The following NRG1 variants were observed in gnomAD, a reference collection of about 807,000 sequenced individuals.
The protein encoded by NRG1 is neuregulin 1.
In NRG1, 18 loss-of-function variants were observed where a neutral mutation model predicts 63.8. That is an observed-to-expected ratio of 0.28 (90% CI 0.19 to 0.42). NRG1 has a LOEUF of 0.42. NRG1 is among the 10% of genes least tolerant of loss of function. The probability of loss-of-function intolerance (pLI) is 1.00; values close to 1 mark genes in which losing one functional copy is unlikely to be tolerated. For missense variants in NRG1, 762 were observed against 814.7 expected (o/e 0.94, Z 0.79); for synonymous variants, 302 against 301.3 (o/e 1.00, Z -0.02).
chr8:32,677,734 A>C (rs556160516), intron 5 of NRG1, among the ~76,000 whole-genome samples: 2 of 152,338 alleles, frequency 1.3e-5, no homozygotes, highest in Non-Finnish European at 2.9e-5. Context: ...TACTTTAAAA[A>C]TACTCCTGCA....
intron 1 of NRG1, among the ~76,000 whole-genome samples, chr8:32,399,763 C>T (rs988382478): frequency 4.6e-5 from 7 of 152,078 alleles, no homozygotes; most frequent in African/African-American, 1.4e-4. Flanking sequence ...AGAGACTTTT[C>T]CCTCCTGTAA....
chr8:32,675,966 A>G (rs1359603316), intron 5 of NRG1, among the ~76,000 whole-genome samples: 1 of 152,216 alleles, frequency 6.6e-6, no homozygotes, highest in African/African-American at 2.4e-5. Context: ...AATTGAGAGA[A>G]TCAGGAACAC....
rs1279728113 is a variant in NRG1 at position 32,557,071 on chromosome 8, T to C, written c.100+8245T>C. On this transcript the variant is annotated intron_variant, in intron 1 of 11. Transcript: ENST00000356819. ...CCCAGGCTGGAGTGCAGTGGTGCGA[T>C]CTCAGCTCACTGCAAGCTCCCCCCA... Among the ~76,000 whole-genome samples, 3 of 152,194 alleles carry C rather than the reference T, an allele frequency of 2.0e-5. No homozygotes were observed. The East Asian group carries it at 5.8e-4, about 29-fold the overall frequency.
intron 1 of NRG1, among the ~76,000 whole-genome samples, chr8:32,007,218 C>T (rs776721517): frequency 6.6e-6 from 1 of 151,988 alleles, no homozygotes; most frequent in Non-Finnish European, 1.5e-5. Context: ...TAAGGTAACA[C>T]AGGTTGTAGG....
chr8:31,950,186 T>A (rs1261126006), intron 1 of NRG1, among the ~76,000 whole-genome samples: 2 of 152,192 alleles, frequency 1.3e-5, no homozygotes, highest in Admixed American at 6.5e-5. Flanking sequence ...CAGTCTGAAC[T>A]GAAGACAAGA....
At chr8:32,474,783 C>T (rs113797745) in intron 1 of NRG1, among the ~76,000 whole-genome samples, 1,904 of 152,128 alleles carry the variant, frequency 0.013, 36 homozygotes, top group African/African-American at 0.042. Flanking sequence ...GGATTACAGG[C>T]GTGAGCCACT....
intron 1 of NRG1, among the ~76,000 whole-genome samples, chr8:32,324,852 A>G (rs1471948594): frequency 6.6e-6 from 1 of 152,164 alleles, no homozygotes; most frequent in Non-Finnish European, 1.5e-5. Context: ...CTGGATTCAG[A>G]GCTAAATCTG....
intron 6 of NRG1, among the ~76,000 whole-genome samples, chr8:32,738,042 C>T (rs1026633812): frequency 1.1e-4 from 16 of 152,088 alleles, no homozygotes; most frequent in Middle Eastern, 3.4e-3. Flanking sequence ...TTCATTTTCA[C>T]GGACATTTTG....
intron 1 of NRG1, among the ~76,000 whole-genome samples, chr8:32,502,079 T>C (rs550311164): frequency 6.6e-6 from 1 of 152,208 alleles, no homozygotes; most frequent in South Asian, 2.1e-4. Context: ...ATACCTGAGA[T>C]TGGGTAATTT....
intron 1 of NRG1, among the ~76,000 whole-genome samples, chr8:32,514,855 G>C (rs1829634598): frequency 7.1e-6 from 1 of 140,390 alleles, no homozygotes; most frequent in South Asian, 2.2e-4. Context: ...TTAGATTCAG[G>C]GGGTACATGT....
intron 1 of NRG1, among the ~76,000 whole-genome samples, chr8:31,903,987 A>G (rs975892851): frequency 6.6e-6 from 1 of 152,156 alleles, no homozygotes; most frequent in Non-Finnish European, 1.5e-5. Context: ...TATACAAATA[A>G]TATCACTTTC....
intron 1 of NRG1, among the ~76,000 whole-genome samples, chr8:32,281,156 T>C (rs545832475): frequency 2.7e-5 from 4 of 147,530 alleles, no homozygotes; most frequent in East Asian, 2.1e-4. Context: ...GTGGTGAGCA[T>C]AGCATAGTAC....
intron 1 of NRG1, among the ~76,000 whole-genome samples, chr8:31,972,783 A>G (rs1315383259): frequency 6.6e-6 from 1 of 152,220 alleles, no homozygotes; most frequent in African/African-American, 2.4e-5. Flanking sequence ...TTGACCTGCC[A>G]TAACAGTGTG....
chr8:31,772,353 G>A (rs1818704944), intron 1 of NRG1, among the ~76,000 whole-genome samples: 2 of 152,020 alleles, frequency 1.3e-5, no homozygotes, highest in South Asian at 4.1e-4. Context: ...TCGTCACCAA[G>A]ACTCTCTACA....
chr8:32,469,890 C>T (rs928145228), intron 1 of NRG1, among the ~76,000 whole-genome samples: 13 of 152,224 alleles, frequency 8.5e-5, no homozygotes, highest in Non-Finnish European at 7.3e-5. Flanking sequence ...CGGAGTCTTG[C>T]TCTGTCGCCC....
At chr8:32,051,033 A>G (rs939975829) in intron 1 of NRG1, among the ~76,000 whole-genome samples, 2 of 152,128 alleles carry the variant, frequency 1.3e-5, no homozygotes, top group African/African-American at 4.8e-5. Flanking sequence ...AGTTTAATAT[A>G]AAGTAGAATA....
chr8:32,448,097 GTC>G (rs1415045179), intron 1 of NRG1, among the ~76,000 whole-genome samples: 1 of 152,080 alleles, frequency 6.6e-6, no homozygotes. Flanking sequence ...TTCAGTTTGA[GTC>G]TCCACTAAAT....
In NRG1 at chr8:32,201,015, C is replaced by T. The variant is rs186137048; in HGVS notation, c.38-394813C>T. ...CTTATTCTATAAACTTCTGGGGAAA[C>T]GGCTTTCTTTGAATTCTGAGCCTTT... On this transcript the variant is annotated intron_variant, in intron 1 of 10. Coordinates refer to the NRG1 transcript ENST00000519301. Among the ~76,000 whole-genome samples, 58 of 152,232 alleles carry T rather than the reference C, an allele frequency of 3.8e-4. No individual in the cohort carries two copies. In the East Asian group the frequency reaches 3.9e-3, roughly 10 times the overall value.
intron 1 of NRG1, among the ~76,000 whole-genome samples, chr8:31,836,003 T>A (rs1183319200): frequency 6.6e-6 from 1 of 152,172 alleles, no homozygotes; most frequent in Non-Finnish European, 1.5e-5. Context: ...AATACCCACA[T>A]GGCTGGTGGC....
Sources: allele counts gnomAD v4.1 joint callset (sites outside exome capture counted in the v4.1 genomes callset), GRCh38; gene constraint gnomAD v4.1.1; transcripts MANE v1.5; gene names NCBI Gene and HGNC (gene_info 2026-07-23, HGNC 2026-07-21).